The following CMSS1 variants were observed in gnomAD, a reference collection of about 807,000 sequenced individuals.
CMSS1 encodes protein CMSS1.
CMSS1 carries 33 observed loss-of-function variants against 43.5 expected under a neutral mutation model. The ratio of observed to expected loss-of-function variants is 0.76; its 90% CI spans 0.57 to 1.01. The LOEUF (loss-of-function observed/expected upper bound fraction) is 1.01. Ranked by LOEUF, CMSS1 falls within the 50% of genes least tolerant of loss-of-function variation. CMSS1 has a pLI of 0.00. For synonymous variants in CMSS1, 115 were observed against 117.2 expected, an observed-to-expected ratio of 0.98 and a Z score of 0.12; for missense variants, 313 against 326.4, an observed-to-expected ratio of 0.96 and a Z score of 0.32.
intron 1 of CMSS1, among the ~76,000 whole-genome samples, chr3:99,980,441 C>T (rs577256349): frequency 3.9e-5 from 6 of 152,296 alleles, no homozygotes; most frequent in Non-Finnish European, 7.4e-5. Flanking sequence ...AGGTCTGAGG[C>T]AGTTCCTCAT....
At chr3:99,827,959 C>T (rs1942567558) in intron 1 of CMSS1, among the ~76,000 whole-genome samples, 1 of 152,112 alleles carries the variant, frequency 6.6e-6, no homozygotes, top group Admixed American at 6.5e-5. Context: ...TTTGTGCTTC[C>T]TCTTAAACTT....
chr3:99,942,293 C>T (rs774367704), intron 1 of CMSS1, among the ~76,000 whole-genome samples: 2 of 151,728 alleles, frequency 1.3e-5, no homozygotes, highest in Non-Finnish European at 2.9e-5. Context: ...TTTCCAGATG[C>T]ATAATGAGGT....
At chr3:100,086,315 G>T (rs1207146288) in intron 1 of CMSS1, among the ~76,000 whole-genome samples, 1 of 152,144 alleles carries the variant, frequency 6.6e-6, no homozygotes, top group African/African-American at 2.4e-5. Context: ...GAAGTTAGTT[G>T]TACTTGTTTG....
intron 1 of CMSS1, among the ~76,000 whole-genome samples, chr3:99,855,114 C>A (rs182843112): frequency 1.3e-3 from 192 of 152,228 alleles, no homozygotes; most frequent in Non-Finnish European, 2.4e-3. Context: ...ATTAACTCTG[C>A]CAATTGTTGT....
chr3:100,134,647 G>A (rs1339951789), intron 1 of CMSS1, among the ~76,000 whole-genome samples: 1 of 152,200 alleles, frequency 6.6e-6, no homozygotes, highest in African/African-American at 2.4e-5. Flanking sequence ...TTTCTTCCTA[G>A]CTAAAAGATA....
intron 1 of CMSS1, among the ~76,000 whole-genome samples, chr3:100,093,653 C>T (rs1233922199): frequency 6.6e-6 from 1 of 152,150 alleles, no homozygotes; most frequent in Non-Finnish European, 1.5e-5. Flanking sequence ...ACATTTCTGT[C>T]ACCACAAGGA....
rs116727602 is a variant in CMSS1 at position 99,964,987 on chromosome 3, T to A, written c.64+146944T>A. Among the ~76,000 whole-genome samples, 946 of 152,354 alleles carry A rather than the reference T, an allele frequency of 6.2e-3. 4 individuals are homozygous for A. Among genetic ancestry groups the A allele is most frequent in the Middle Eastern group, 0.014 (4 of 294 alleles). On this transcript the variant is annotated intron_variant, in intron 1 of 9. Coordinates refer to ENST00000421999, the MANE Select transcript of CMSS1 (RefSeq NM_032359.4). Reference sequence around the variant, plus strand: ...AAAAGAAACATGATCCTTTTCATTGTATTTCTTGAAGTACCTGATATACTT... The same window carrying A: ...AAAAGAAACATGATCCTTTTCATTGAATTTCTTGAAGTACCTGATATACTT...
At chr3:99,938,074 T>TGTGTGTGC (rs1431638787) in intron 1 of CMSS1, among the ~76,000 whole-genome samples, 3 of 85,210 alleles carry the variant, frequency 3.5e-5, no homozygotes, top group Non-Finnish European at 7.6e-5. Context: ...TGTGTGTGTG[T>TGTGTGTGC]GCGCGCGCGC....
chr3:99,956,092 A>G (rs1443882224), intron 1 of CMSS1, among the ~76,000 whole-genome samples: 1 of 152,166 alleles, frequency 6.6e-6, no homozygotes, highest in African/African-American at 2.4e-5. Context: ...GGTCCTGTCA[A>G]TAATAGATTT....
At chr3:99,958,382 G>GT (rs1415342269) in intron 1 of CMSS1, among the ~76,000 whole-genome samples, 2 of 152,034 alleles carry the variant, frequency 1.3e-5, no homozygotes, top group Non-Finnish European at 2.9e-5. Flanking sequence ...ACTAGGGCCT[G>GT]TTAATGCCAG....
chr3:99,818,003 G>C lies in CMSS1; in HGVS notation c.24G>C (p.Glu8Asp). MADDLGD[E>D]WWENQPTGAG... Reference sequence around the variant, plus strand: ...AAATGGCAGACGATCTCGGAGACGAGTGGTGGGAGAACCAGCCGACTGGAG... The same window carrying C: ...AAATGGCAGACGATCTCGGAGACGACTGGTGGGAGAACCAGCCGACTGGAG... The change falls in exon 1 of 10, where the codon GAG becomes GAC. Residue 8 changes from glutamate to aspartate, a missense_variant. Coordinates refer to ENST00000421999, the MANE Select transcript of CMSS1 (RefSeq NM_032359.4). The C allele has an allele frequency of 1.2e-6, 2 of 1,614,022 alleles. No individual in the cohort carries two copies. The highest frequency in any genetic ancestry group is 1.7e-6 in the Non-Finnish European group (2 of 1,180,018).
At chr3:99,955,694 G>A (rs1266336539) in intron 1 of CMSS1, among the ~76,000 whole-genome samples, 2 of 152,064 alleles carry the variant, frequency 1.3e-5, no homozygotes, top group Non-Finnish European at 2.9e-5. Flanking sequence ...GAGCATTGAT[G>A]ATGAAGATCC....
At chr3:99,825,672 C>G (rs1942522577) in intron 1 of CMSS1, among the ~76,000 whole-genome samples, 1 of 152,034 alleles carries the variant, frequency 6.6e-6, no homozygotes, top group Admixed American at 6.6e-5. Context: ...AAAAATACAA[C>G]TCATAAATGT....
At chr3:100,024,086 C>CT (rs1205517071) in intron 1 of CMSS1, among the ~76,000 whole-genome samples, 5 of 152,148 alleles carry the variant, frequency 3.3e-5, no homozygotes, top group Admixed American at 6.5e-5. Flanking sequence ...TCCCACAACT[C>CT]TAACTACATC....
intron 1 of CMSS1, among the ~76,000 whole-genome samples, chr3:100,001,191 T>A (rs1332544108): frequency 6.6e-6 from 1 of 152,236 alleles, no homozygotes; most frequent in East Asian, 1.9e-4. Context: ...CCCTCTCACT[T>A]TGTCTCAGTT....
chr3:99,849,473 G>A (rs1233808497), intron 1 of CMSS1: 1 of 1,613,686 alleles, frequency 6.2e-7, no homozygotes, highest in Non-Finnish European at 8.5e-7. Flanking sequence ...TGACATATTA[G>A]GTCTTCAGTT....
At chr3:99,998,869 A>G (rs550727964) in intron 1 of CMSS1, among the ~76,000 whole-genome samples, 221 of 152,200 alleles carry the variant, frequency 1.5e-3, no homozygotes, top group African/African-American at 4.9e-3. Flanking sequence ...GCGCCCGGCC[A>G]TGGTTCTTAA....
At chr3:100,053,605 T>C (rs2065410821) in intron 1 of CMSS1, among the ~76,000 whole-genome samples, 1 of 152,186 alleles carries the variant, frequency 6.6e-6, no homozygotes, top group Non-Finnish European at 1.5e-5. Context: ...ATTCACAGGT[T>C]TTGCTAGGTG....
chr3:100,137,743 T>C (rs1164851652), intron 1 of CMSS1, among the ~76,000 whole-genome samples: 1 of 152,086 alleles, frequency 6.6e-6, no homozygotes, highest in Admixed American at 6.6e-5. Context: ...TGTTTTTGTA[T>C]TTTTAGTAGA....
Sources: gnomAD v4.1 joint callset for allele counts (sites outside exome capture counted in the v4.1 genomes callset) on GRCh38, gnomAD v4.1.1 for gene constraint, MANE v1.5 for transcripts, NCBI Gene and HGNC (gene_info 2026-07-23, HGNC 2026-07-21) for gene names.